NELL2: variants seen among roughly 807,000 people sequenced by gnomAD.
NELL2 encodes the protein neural EGFL like 2.
A neutral mutation model predicts 109.6 loss-of-function variants in NELL2; 41 were observed. That is an observed-to-expected ratio of 0.37 (90% confidence interval 0.29 to 0.49). NELL2 has a LOEUF of 0.49. Ranked by LOEUF, NELL2 falls within the 20% of genes least tolerant of loss-of-function variation. The pLI is 0.98. For missense variants in NELL2, 900 were observed against 1,008.3 expected (o/e 0.89, Z 1.45); for synonymous variants, 355 against 344.7 (o/e 1.03, Z -0.33).
chr12:44,575,321 G>A (rs192102177), intron 15 of NELL2, among the ~76,000 whole-genome samples: 1 of 152,328 alleles, frequency 6.6e-6, no homozygotes, highest in East Asian at 1.9e-4. Flanking sequence ...AATAATTGAA[G>A]TTTGAGGATT....
At chr12:44,847,770 CAA>C (rs2136768134) in intron 2 of NELL2, among the ~76,000 whole-genome samples, 1 of 151,676 alleles carries the variant, frequency 6.6e-6, no homozygotes, top group East Asian at 1.9e-4. Flanking sequence ...AAATAAGTAT[CAA>C]AGAGAGTAGA....
At chr12:44,869,018 TAA>T (rs1458206594) in intron 2 of NELL2, among the ~76,000 whole-genome samples, 1 of 152,156 alleles carries the variant, frequency 6.6e-6, no homozygotes, top group Non-Finnish European at 1.5e-5. Flanking sequence ...TAAAAATAAT[TAA>T]ATTTTAAGTA....
chr12:44,797,576 T>C lies in NELL2; in HGVS notation c.336-17554A>G, dbSNP rs560252484. ...CAACTTGGCCAGTTGTGTATATACA[T>C]AAATATATAATTTTTCTGATATAAA... On this transcript the variant is annotated intron_variant, in intron 3 of 19. Coordinates refer to ENST00000429094, the MANE Select transcript of NELL2 (RefSeq NM_001145108.2). Among the ~76,000 whole-genome samples, 444 of 151,958 alleles carry C rather than the reference T, an allele frequency of 2.9e-3. 3 individuals carry two copies. Among genetic ancestry groups the C allele is most frequent in the African/African-American group, 9.8e-3 (405 of 41,492 alleles).
intron 2 of NELL2, among the ~76,000 whole-genome samples, chr12:44,869,979 T>A (rs1945116905): frequency 6.6e-6 from 1 of 152,206 alleles, no homozygotes. Flanking sequence ...CTTTTGTTGC[T>A]TACAAATCAC....
chr12:44,618,739 T>C (rs1566028711), intron 13 of NELL2, among the ~76,000 whole-genome samples: 1 of 152,176 alleles, frequency 6.6e-6, no homozygotes, highest in African/African-American at 2.4e-5. Context: ...CTAACTATGA[T>C]ATATTGTAGA....
intron 3 of NELL2, among the ~76,000 whole-genome samples, chr12:44,810,888 T>C (rs1370675415): frequency 6.6e-6 from 1 of 152,144 alleles, no homozygotes; most frequent in Non-Finnish European, 1.5e-5. Flanking sequence ...AAATTATGTA[T>C]TTGTTACAAC....
At chr12:44,898,894 AG>A (rs1230415950) in intron 1 of NELL2, among the ~76,000 whole-genome samples, 4 of 130,564 alleles carry the variant, frequency 3.1e-5, no homozygotes, top group Non-Finnish European at 7.3e-5. Context: ...TAGAATAAGC[AG>A]TTGAGAGAAG....
At chr12:44,723,607 T>C (rs1356870228) in intron 9 of NELL2, among the ~76,000 whole-genome samples, 1 of 152,206 alleles carries the variant, frequency 6.6e-6, no homozygotes, top group African/African-American at 2.4e-5. Context: ...TTCAATGTGT[T>C]ACCTAGAATT....
chr12:44,791,958 C>CAAA (rs35671413), intron 3 of NELL2, among the ~76,000 whole-genome samples: 2,102 of 145,446 alleles, frequency 0.014, 49 homozygotes, highest in African/African-American at 0.05. Flanking sequence ...TTATTACAGA[C>CAAA]AAAAAAAAAA....
chr12:44,514,100 G>C (rs1168666844), intron 19 of NELL2, among the ~76,000 whole-genome samples: 1 of 151,818 alleles, frequency 6.6e-6, no homozygotes, highest in Non-Finnish European at 1.5e-5. Flanking sequence ...AGAAACAATG[G>C]AAACTAGAAA....
intron 3 of NELL2, among the ~76,000 whole-genome samples, chr12:44,791,907 C>A (rs1172949289): frequency 6.6e-6 from 1 of 151,656 alleles, no homozygotes; most frequent in Non-Finnish European, 1.5e-5. Context: ...GGCATATAGA[C>A]CACACTGAAA....
chr12:44,587,950 G>A (rs536569830), intron 15 of NELL2, among the ~76,000 whole-genome samples: 2 of 152,098 alleles, frequency 1.3e-5, no homozygotes, highest in African/African-American at 4.8e-5. Flanking sequence ...AGGAGATAGA[G>A]ACCATCCTGG....
intron 9 of NELL2, among the ~76,000 whole-genome samples, chr12:44,725,703 C>T (rs776102951): frequency 2.6e-5 from 4 of 152,158 alleles, no homozygotes; most frequent in Non-Finnish European, 5.9e-5. Flanking sequence ...GTTGTGGGAA[C>T]ATGGATGGAG....
At chr12:44,720,620 A>C (rs913292683) in intron 9 of NELL2, among the ~76,000 whole-genome samples, 1 of 152,216 alleles carries the variant, frequency 6.6e-6, no homozygotes, top group African/African-American at 2.4e-5. Flanking sequence ...TGTAATGACA[A>C]AACTTTCTTC....
intron 2 of NELL2, among the ~76,000 whole-genome samples, chr12:44,821,349 G>A (rs1399271417): frequency 6.6e-6 from 1 of 152,146 alleles, no homozygotes; most frequent in Non-Finnish European, 1.5e-5. Flanking sequence ...TACTGCTCCT[G>A]AACATGGCAT....
chr12:44,901,478 G>A (rs1945660201), intron 1 of NELL2, among the ~76,000 whole-genome samples: 1 of 152,128 alleles, frequency 6.6e-6, no homozygotes, highest in South Asian at 2.1e-4. Flanking sequence ...GTACAAAAAG[G>A]AGCTGGTACC....
chr12:44,786,129 T>C (rs909640372), intron 3 of NELL2, among the ~76,000 whole-genome samples: 45 of 151,996 alleles, frequency 3.0e-4, no homozygotes, highest in African/African-American at 1.0e-3. Context: ...ATTCTATCCA[T>C]CTGACAAAGG....
At position 44,571,144 on chromosome 12, in the gene NELL2, G is replaced by A. The variant is rs574671532; in HGVS notation, c.1663+36025C>T. On this transcript the variant is annotated intron_variant, in intron 15 of 19. Coordinates refer to ENST00000429094, the MANE Select transcript of NELL2 (RefSeq NM_001145108.2). ...TGAACAAAAGCCATCTTAGCAGTGA[G>A]AGGAAAATCTACCATGGAGGTCAGT... Among the ~76,000 whole-genome samples the A allele has an allele frequency of 9.2e-5, 14 of 152,306 alleles. No homozygotes were observed. In the South Asian group the frequency reaches 2.9e-3, roughly 32 times the overall value.
intron 13 of NELL2, among the ~76,000 whole-genome samples, chr12:44,657,684 G>A (rs1947563832): frequency 6.6e-6 from 1 of 151,980 alleles, no homozygotes; most frequent in Non-Finnish European, 1.5e-5. Flanking sequence ...CTGTGTCTAT[G>A]TTTTCTCATT....
Sources: gnomAD v4.1 joint callset for allele counts (sites outside exome capture counted in the v4.1 genomes callset) on GRCh38, gnomAD v4.1.1 for gene constraint, MANE v1.5 for transcripts, NCBI Gene and HGNC (gene_info 2026-07-23, HGNC 2026-07-21) for gene names.